The following PADI2 variants were observed in gnomAD, a reference collection of about 807,000 sequenced individuals.
PADI2 encodes peptidyl arginine deiminase 2.
PADI2 carries 70 observed loss-of-function variants against 81.1 expected under a neutral mutation model. The ratio of observed to expected loss-of-function variants is 0.86; its 90% confidence interval spans 0.71 to 1.05. The LOEUF is 1.05. Among genes scored for constraint, PADI2 ranks in the 50% least tolerant of loss-of-function variants. The pLI, the probability that PADI2 is intolerant of heterozygous loss-of-function variation, is 0.00. For missense variants in PADI2, 853 were observed against 889.9 expected (o/e 0.96, Z 0.53); for synonymous variants, 338 against 358.0 (o/e 0.94, Z 0.63).
intron 7 of PADI2, among the ~76,000 whole-genome samples, chr1:17,086,196 G>C (rs1399945049): frequency 2.0e-5 from 3 of 152,188 alleles, no homozygotes; most frequent in Admixed American, 6.5e-5. Context: ...TTAGAGCCTC[G>C]CGCTAATCAG....
At chr1:17,099,744 C>T (rs1359437844) in intron 3 of PADI2, among the ~76,000 whole-genome samples, 1 of 152,234 alleles carries the variant, frequency 6.6e-6, no homozygotes, top group East Asian at 1.9e-4. Flanking sequence ...GGAGCATTGA[C>T]TAAGCACCCA....
chr1:17,091,328 C>T (rs887018096), intron 6 of PADI2, among the ~76,000 whole-genome samples: 3 of 150,566 alleles, frequency 2.0e-5, no homozygotes, highest in South Asian at 2.1e-4. Context: ...CGCCACCCCA[C>T]GACCCGCCTT....
rs1416996828 is a variant in PADI2 at position 17,104,985 on chromosome 1, C to A, written c.169G>T (p.Glu57Ter). ...CCATTGGTGGCCACCTCCTCAGCCT[C>A]CCCATCACGCACCACCTCCACCCAC... is the stretch of plus-strand genomic sequence containing the variant. ...HVWVEVVRDGEAEEVATNGKQ... is the reference protein window; with the variant it reads ...HVWVEVVRDG Residue 57 changes from glutamate to a stop codon, truncating the protein, a stop_gained, in exon 2 of 16, where the codon GAG (glutamate) becomes TAG (stop). Coordinates refer to ENST00000375486, the MANE Select transcript of PADI2 (RefSeq NM_007365.3). LOFTEE classifies it high-confidence loss of function. The A allele has an allele frequency of 6.2e-7, 1 of 1,607,912 alleles. No homozygotes were observed. The highest frequency in any genetic ancestry group is 8.5e-7 in the Non-Finnish European group (1 of 1,177,786).
intron 14 of PADI2, among the ~76,000 whole-genome samples, chr1:17,071,115 C>A (rs1025983225): frequency 6.6e-6 from 1 of 152,144 alleles, no homozygotes. Context: ...CCATTATCCC[C>A]TTTTTAGAGA....
At chr1:17,073,821 G>A (rs571924198) in intron 13 of PADI2, among the ~76,000 whole-genome samples, 1 of 152,280 alleles carries the variant, frequency 6.6e-6, no homozygotes, top group Non-Finnish European at 1.5e-5. Flanking sequence ...CTGGCTGGTT[G>A]TCTCCACCTG....
At chr1:17,081,513 G>A (rs2078343720) in intron 10 of PADI2, among the ~76,000 whole-genome samples, 1 of 152,210 alleles carries the variant, frequency 6.6e-6, no homozygotes, top group Admixed American at 6.5e-5. Flanking sequence ...ACTGGGTAAG[G>A]AATGTGGGGC....
chr1:17,112,823 C>A (rs537837470), intron 1 of PADI2, among the ~76,000 whole-genome samples: 1 of 152,346 alleles, frequency 6.6e-6, no homozygotes, highest in South Asian at 2.1e-4. Context: ...TTCAGTGACT[C>A]CCTGCTACTT....
At chr1:17,113,652 C>T (rs1931660949) in intron 1 of PADI2, among the ~76,000 whole-genome samples, 1 of 152,174 alleles carries the variant, frequency 6.6e-6, no homozygotes, top group Non-Finnish European at 1.5e-5. Flanking sequence ...CAAATGAGAG[C>T]CCCTTACTTA....
At position 17,066,987 on chromosome 1, in the gene PADI2, G is replaced by C. The variant is rs965405198; in HGVS notation, c.*2057C>G. On this transcript the variant is annotated 3_prime_UTR_variant, in exon 16 of 16. Transcript: ENST00000375486. The stretch of plus-strand genomic sequence containing the variant: ...AGCGTATTCTAGGCCTACATTTATA[G>C]AAAGTGGGGGTGGGGAAGAGCCATG... 2 of 152,058 alleles carry C rather than the reference G, an allele frequency of 1.3e-5. No homozygotes were observed. The highest frequency in any genetic ancestry group is 2.9e-5 in the Non-Finnish European group (2 of 68,024). 9.4% of individuals were successfully genotyped at this position (152,058 alleles called of 1,614,324 possible).
rs1450193721 is a variant in PADI2 at position 17,079,402 on chromosome 1, C to A, written c.1172G>T (p.Gly391Val). ...PVKELLGPDF[G>V]YVTREPLFES... ...AAAGAGGGGCTCCCGGGTCACGTAG[C>A]CAAAATCTGGGCCCTAGGCAGAGGG... The change falls in exon 11 of 16, where the codon GGC becomes GTC. Residue 391 changes from glycine to valine, a missense_variant. Physicochemically the swap from Gly to Val is moderately radical, Grantham distance 109 (BLOSUM62 -3). Transcript: ENST00000375486. 8.1e-6 allele frequency: 13 copies of A among 1,613,890 alleles called. No individual in the cohort carries two copies. The East Asian group carries it at 2.9e-4, about 36-fold the overall frequency.
At chr1:17,099,752 C>T (rs1931074223) in intron 3 of PADI2, among the ~76,000 whole-genome samples, 1 of 152,190 alleles carries the variant, frequency 6.6e-6, no homozygotes, top group African/African-American at 2.4e-5. Context: ...GACTAAGCAC[C>T]CACTCTGTGC....
intron 3 of PADI2, among the ~76,000 whole-genome samples, chr1:17,096,194 G>A (rs1475145320): frequency 6.6e-6 from 1 of 152,202 alleles, no homozygotes; most frequent in East Asian, 1.9e-4. Context: ...ACGGCTGCAA[G>A]AGCTGCCATC....
Position 17,075,395 on chromosome 1 carries a change from T to C in PADI2, c.1455+284A>G, listed in dbSNP as rs561531702. 7.3e-4 allele frequency: 292 copies of C among 401,574 alleles called. 1 individual carries two copies. Among genetic ancestry groups the C allele is most frequent in the African/African-American group, 5.7e-3 (273 of 47,874 alleles). 24.9% of individuals were successfully genotyped at this position (401,574 alleles called of 1,614,324 possible). ...GGCTAGTCTGAATTTAGGTGTGTCATGTGAGTAAAATCTTTGCCAGATTTT... is the reference window on the plus strand; with the variant it reads ...GGCTAGTCTGAATTTAGGTGTGTCACGTGAGTAAAATCTTTGCCAGATTTT... On this transcript the variant is annotated intron_variant, in intron 12 of 15. Transcript: ENST00000375486.
At chr1:17,075,887 A>T in intron 11 of PADI2, 64 bp from the exon 12 acceptor site, 2 of 1,535,664 alleles carry the variant, frequency 1.3e-6, no homozygotes, top group Non-Finnish European at 1.8e-6. Context: ...CTGCAAGAGG[A>T]GTTTGGTCTC....
intron 13 of PADI2, 29 bp from the exon 14 acceptor site, chr1:17,071,520 C>A: frequency 1.3e-6 from 2 of 1,567,500 alleles, no homozygotes; most frequent in South Asian, 2.2e-5. Context: ...AGGGGATGGT[C>A]AAGCTTTAGA....
At chr1:17,110,822 C>A (rs1457269191) in intron 1 of PADI2, among the ~76,000 whole-genome samples, 1 of 152,192 alleles carries the variant, frequency 6.6e-6, no homozygotes, top group Non-Finnish European at 1.5e-5. Context: ...GCCCTTTTGG[C>A]AGTTCACTCC....
rs1171766561 is a variant in PADI2 at position 17,067,125 on chromosome 1, T to C, written c.*1919A>G. The C allele has an allele frequency of 3.3e-5, 5 of 150,168 alleles. No homozygotes were observed. The South Asian group carries it at 6.3e-4, about 19-fold the overall frequency. The allele number at this position is 150,168 out of a possible 1,614,324, so 9.3% of individuals were successfully genotyped here. A position where few individuals can be genotyped will look rare whatever the true frequency, so the allele number is the denominator to read the frequency against. On this transcript the variant is annotated 3_prime_UTR_variant, in exon 16 of 16. Transcript: ENST00000375486. ...GAAACATCAGAAATTACCGACATCA[T>C]TGGGGAAAGCCTTAGAAAAATCTAT... is the stretch of plus-strand genomic sequence containing the variant.
At chr1:17,078,339 G>A (rs34438749) in intron 11 of PADI2, among the ~76,000 whole-genome samples, 76,069 of 151,716 alleles carry the variant, frequency 0.5, 19,814 homozygotes, top group Non-Finnish European at 0.59. Context: ...TCAAACTCCC[G>A]ACCTCAGGTG....
intron 10 of PADI2, 88 bp from the exon 11 acceptor site, chr1:17,079,503 C>T: frequency 8.5e-7 from 1 of 1,173,712 alleles, no homozygotes; most frequent in Admixed American, 2.1e-5. Flanking sequence ...CACCTTCAGT[C>T]TGGGTCTGTG....
Sources: gnomAD v4.1 joint callset for allele counts (sites outside exome capture counted in the v4.1 genomes callset) on GRCh38, gnomAD v4.1.1 for gene constraint, MANE v1.5 for transcripts, NCBI Gene and HGNC (gene_info 2026-07-23, HGNC 2026-07-21) for gene names.